Variants in SASH1 observed in about 807,000 individuals in gnomAD.
The protein encoded by SASH1 is SAM and SH3 domain-containing protein 1.
A neutral mutation model predicts 125.2 loss-of-function variants in SASH1; 44 were observed. The observed-to-expected ratio is 0.35, with a 90% confidence interval of 0.28 to 0.45. The LOEUF (loss-of-function observed/expected upper bound fraction) is 0.45, where lower values mean the gene tolerates loss of function less well. Ranked by LOEUF, SASH1 falls within the 20% of genes least tolerant of loss-of-function variation. SASH1 has a pLI of 1.00. For synonymous variants in SASH1, 639 were observed against 649.1 expected (o/e 0.98, Z 0.24); for missense variants, 1,426 against 1,614.5 (o/e 0.88, Z 2.00).
chr6:148,492,016 A>G (rs1407864015), intron 8 of SASH1, among the ~76,000 whole-genome samples: 2 of 152,184 alleles, frequency 1.3e-5, no homozygotes, highest in African/African-American at 4.8e-5. Flanking sequence ...GACTGATTCA[A>G]ACCCAACTTG....
intron 16 of SASH1, among the ~76,000 whole-genome samples, chr6:148,539,022 T>G (rs1173032698): frequency 6.6e-6 from 1 of 152,156 alleles, no homozygotes; most frequent in African/African-American, 2.4e-5. Flanking sequence ...TGCTAGGGTG[T>G]TGAAGGCCCT....
chr6:148,288,733 T>G (rs2128508063), intron 1 of SASH1, among the ~76,000 whole-genome samples: 1 of 152,144 alleles, frequency 6.6e-6, no homozygotes, highest in East Asian at 1.9e-4. Context: ...CTGAGGCCAC[T>G]CTAAGATCAG....
intron 1 of SASH1, among the ~76,000 whole-genome samples, chr6:148,332,743 T>C (rs1781032122): frequency 6.6e-6 from 1 of 152,110 alleles, no homozygotes; most frequent in South Asian, 2.1e-4. Flanking sequence ...TTCCAGCGCT[T>C]TGGGAGGCTG....
chr6:148,449,074 A>ATTTCATTTCTT (rs1562419998), intron 4 of SASH1, among the ~76,000 whole-genome samples: 4 of 32,746 alleles, frequency 1.2e-4, no homozygotes, highest in African/African-American at 4.0e-4. Flanking sequence ...ATTTCATTTC[A>ATTTCATTTCTT]TTTCTTTTTT....
intron 2 of SASH1, among the ~76,000 whole-genome samples, chr6:148,398,493 A>C (rs1435513170): frequency 2.0e-5 from 3 of 152,184 alleles, no homozygotes; most frequent in African/African-American, 7.2e-5. Context: ...GACTCTGCCC[A>C]GCTCAGTCTA....
At chr6:148,211,493 C>T in the SASH1 span, among the ~76,000 whole-genome samples, 1 of 151,134 alleles carries the variant, frequency 6.6e-6, no homozygotes, top group Non-Finnish European at 1.5e-5. Context: ...ATTGCTGGAA[C>T]GTGGGAGGTG....
At chr6:148,315,223 G>A (rs1347917334) in intron 1 of SASH1, among the ~76,000 whole-genome samples, 2 of 152,182 alleles carry the variant, frequency 1.3e-5, no homozygotes, top group Non-Finnish European at 2.9e-5. Flanking sequence ...AGAGATTATA[G>A]TAAGCACTTT....
At chr6:148,543,626 G>C (rs1342346375) in intron 17 of SASH1, 54 bp from the exon 18 acceptor site, 1 of 1,447,416 alleles carries the variant, frequency 6.9e-7, no homozygotes, top group Non-Finnish European at 9.3e-7. Context: ...TTATGCATCC[G>C]TTTGATTGAT....
the SASH1 span, among the ~76,000 whole-genome samples, chr6:148,214,300 CT>C: frequency 3.3e-5 from 5 of 152,158 alleles, no homozygotes; most frequent in Non-Finnish European, 7.4e-5. Flanking sequence ...TTATATGCCC[CT>C]CATTTCGCAC....
chr6:148,311,369 T>C (rs1780325430), intron 1 of SASH1, among the ~76,000 whole-genome samples: 1 of 151,842 alleles, frequency 6.6e-6, no homozygotes, highest in African/African-American at 2.4e-5. Context: ...CCTCCCAAAG[T>C]GCTGGGATTA....
At chr6:148,430,459 G>A (rs1776016573) in intron 2 of SASH1, among the ~76,000 whole-genome samples, 1 of 152,126 alleles carries the variant, frequency 6.6e-6, no homozygotes, top group Non-Finnish European at 1.5e-5. Context: ...GGCCTCCCAA[G>A]TAGCTGGGAT....
intron 1 of SASH1, among the ~76,000 whole-genome samples, chr6:148,302,680 CG>C (rs1317591196): frequency 6.8e-3 from 83 of 12,198 alleles, no homozygotes; most frequent in African/African-American, 0.028. Flanking sequence ...CACACACACA[CG>C]GAGAAATATA....
At chr6:148,289,510 T>C (rs1288099231) in intron 1 of SASH1, among the ~76,000 whole-genome samples, 2 of 152,170 alleles carry the variant, frequency 1.3e-5, no homozygotes, top group Non-Finnish European at 2.9e-5. Context: ...GCATCTCTGG[T>C]GGATTTGTCT....
Position 148,531,519 on chromosome 6 carries a change from A to T in SASH1, c.1429-7A>T. 1 of 1,500,658 alleles carries T rather than the reference A, an allele frequency of 6.7e-7. No individual in the cohort carries two copies. The highest frequency in any genetic ancestry group is 8.9e-7 in the Non-Finnish European group (1 of 1,121,766). The allele number at this position is 1,500,658 out of a possible 1,614,324, so 93.0% of individuals were successfully genotyped here. Reference sequence around the variant, plus strand: ...GAACTTCTTCATTTTGTTGAAACCCATGGCAGGACTCGGGCCTTGATGGAA... The same window carrying T: ...GAACTTCTTCATTTTGTTGAAACCCTTGGCAGGACTCGGGCCTTGATGGAA... On this transcript the variant is annotated splice_region_variant and splice_polypyrimidine_tract_variant and intron_variant, in intron 12 of 19. Transcript: ENST00000367467.
chr6:148,340,679 G>A (rs972529034), upstream of SASH1, among the ~76,000 whole-genome samples: 2 of 152,084 alleles, frequency 1.3e-5, no homozygotes, highest in African/African-American at 2.4e-5. Context: ...CACAGAGCAC[G>A]AGGGAGCCTT....
chr6:148,549,519 C>G lies in SASH1; in HGVS notation c.*961C>G, dbSNP rs943672048. The G allele has an allele frequency of 7.5e-6, 3 of 398,378 alleles. No individual in the cohort carries two copies. The highest frequency in any genetic ancestry group is 8.8e-5 in the Admixed American group (2 of 22,700). The allele number at this position is 398,378 out of a possible 1,614,324, so 24.7% of individuals were successfully genotyped here. On this transcript the variant is annotated 3_prime_UTR_variant, in exon 20 of 20. Coordinates refer to ENST00000367467, the MANE Select transcript of SASH1 (RefSeq NM_015278.5). ...CGCGCTGCAGTATTGACTTGGAATCCTGACCATGTCCATCCCAAAATTCAG... is the reference window on the plus strand; with the variant it reads ...CGCGCTGCAGTATTGACTTGGAATCGTGACCATGTCCATCCCAAAATTCAG...
chr6:148,234,573 G>A, the SASH1 span, among the ~76,000 whole-genome samples: 2 of 151,700 alleles, frequency 1.3e-5, no homozygotes, highest in African/African-American at 2.4e-5. Context: ...CACCTGTAAT[G>A]CCAGCACTTT....
intron 1 of SASH1, among the ~76,000 whole-genome samples, chr6:148,282,474 C>G (rs1459756654): frequency 6.6e-6 from 1 of 151,996 alleles, no homozygotes; most frequent in Non-Finnish European, 1.5e-5. Context: ...CTCTGCCTCC[C>G]GGGTTCAAGC....
rs184154817 is a variant in SASH1, at chr6:148,307,184, T to C, written n.74+34807T>C. ...TCCAGGCTGGAGTGCAGTGGCTCAA[T>C]CTTGGCTCACTGCAACCTCCGCCTC... is the stretch of plus-strand genomic sequence containing the variant. On this transcript the variant is annotated intron_variant and non_coding_transcript_variant, in intron 1 of 3. Coordinates refer to the SASH1 transcript ENST00000367469. Among the ~76,000 whole-genome samples the C allele has an allele frequency of 4.6e-3, 697 of 151,956 alleles. 8 individuals carry two copies. Among genetic ancestry groups the C allele is most frequent in the African/African-American group, 0.016 (657 of 41,416 alleles).
Sources: gnomAD v4.1 joint callset for allele counts (sites outside exome capture counted in the v4.1 genomes callset) on GRCh38, gnomAD v4.1.1 for gene constraint, MANE v1.5 for transcripts, NCBI Gene and HGNC (gene_info 2026-07-23, HGNC 2026-07-21) for gene names.